RAP1A: variants seen among roughly 807,000 people sequenced by gnomAD.
The protein encoded by RAP1A is ras-related protein Rap-1A.
RAP1A carries 6 observed loss-of-function variants against 26.4 expected under a neutral mutation model. That is an observed-to-expected ratio of 0.23 (90% CI 0.12 to 0.45). The LOEUF (loss-of-function observed/expected upper bound fraction) is 0.45. Among genes scored for constraint, RAP1A ranks in the 20% least tolerant of loss-of-function variants. The pLI is 0.99. For missense variants in RAP1A, 121 were observed against 217.2 expected, an observed-to-expected ratio of 0.56 and a Z score of 2.78; for synonymous variants, 73 against 79.4, an observed-to-expected ratio of 0.92 and a Z score of 0.43.
chr1:111,571,843 A>G (rs1428082384), intron 1 of RAP1A, among the ~76,000 whole-genome samples: 2 of 152,242 alleles, frequency 1.3e-5, no homozygotes, highest in South Asian at 2.1e-4. Context: ...ATAAAATGGC[A>G]TGCATTTTTG....
intron 1 of RAP1A, among the ~76,000 whole-genome samples, chr1:111,596,580 G>C (rs1658568212): frequency 6.6e-6 from 1 of 152,188 alleles, no homozygotes; most frequent in African/African-American, 2.4e-5. Flanking sequence ...GTCCATTTGA[G>C]CTGCTATAAC....
intron 1 of RAP1A, among the ~76,000 whole-genome samples, chr1:111,563,619 T>C (rs2101050436): frequency 6.6e-6 from 1 of 152,314 alleles, no homozygotes; most frequent in Middle Eastern, 3.4e-3. Context: ...AGCTAATAAC[T>C]TGTATGTGTC....
intron 1 of RAP1A, among the ~76,000 whole-genome samples, chr1:111,672,440 T>C (rs1571548718): frequency 6.6e-6 from 1 of 152,148 alleles, no homozygotes; most frequent in East Asian, 1.9e-4. Context: ...CTCAGCTGGG[T>C]GAATCGAGTC....
intron 1 of RAP1A, among the ~76,000 whole-genome samples, chr1:111,687,239 G>A (rs11802450): frequency 0.043 from 6,150 of 141,780 alleles, 261 homozygotes; most frequent in African/African-American, 0.11. Flanking sequence ...ATGGAGTCTC[G>A]CTCTGTTGCC....
At chr1:111,663,292 T>C (rs1345875880) in intron 1 of RAP1A, among the ~76,000 whole-genome samples, 10 of 152,224 alleles carry the variant, frequency 6.6e-5, no homozygotes, top group Admixed American at 6.5e-4. Flanking sequence ...CCAGTGTATA[T>C]ATTCTTTTCA....
At chr1:111,690,278 T>C (rs1199456025) in intron 1 of RAP1A, among the ~76,000 whole-genome samples, 1 of 152,252 alleles carries the variant, frequency 6.6e-6, no homozygotes, top group African/African-American at 2.4e-5. Context: ...GGAAGACTTC[T>C]AGTCAGAACC....
intron 1 of RAP1A, among the ~76,000 whole-genome samples, chr1:111,547,009 A>G (rs1399322771): frequency 1.3e-5 from 2 of 152,054 alleles, no homozygotes; most frequent in African/African-American, 4.8e-5. Flanking sequence ...ATGCCCAAGG[A>G]TTGTGTTCTT....
At chr1:111,640,698 G>A (rs1263840191) in intron 1 of RAP1A, among the ~76,000 whole-genome samples, 1 of 152,092 alleles carries the variant, frequency 6.6e-6, no homozygotes, top group East Asian at 1.9e-4. Flanking sequence ...GGTGGCTCCC[G>A]CCTGTAATCC....
chr1:111,642,237 C>T (rs992856999), intron 1 of RAP1A, among the ~76,000 whole-genome samples: 1 of 152,002 alleles, frequency 6.6e-6, no homozygotes, highest in Admixed American at 6.6e-5. Flanking sequence ...AAGAGGGAAA[C>T]TCCATCTCAA....
At chr1:111,597,829 C>A (rs2101069967) in intron 1 of RAP1A, among the ~76,000 whole-genome samples, 1 of 152,276 alleles carries the variant, frequency 6.6e-6, no homozygotes, top group South Asian at 2.1e-4. Context: ...GACTTGGAGG[C>A]TCATTTGAAC....
rs1297467100 is a variant in RAP1A at position 111,712,454 on chromosome 1, C to T, written c.*53C>T. 1 of 152,316 alleles carries T rather than the reference C, an allele frequency of 6.6e-6. No homozygotes were observed. Among genetic ancestry groups the T allele is most frequent in the Non-Finnish European group, 1.5e-5 (1 of 67,874 alleles). 9.4% of individuals were successfully genotyped at this position (152,316 alleles called of 1,614,324 possible). On this transcript the variant is annotated 3_prime_UTR_variant, in exon 8 of 8. Transcript: ENST00000369709. ...AGATTACAGGAATGAAGAACTGTTG[C>T]CTAATTGGAAAGTGCCAGCATTCCA...
intron 1 of RAP1A, among the ~76,000 whole-genome samples, chr1:111,582,244 T>C (rs1220974938): frequency 6.6e-6 from 1 of 152,140 alleles, no homozygotes; most frequent in Non-Finnish European, 1.5e-5. Flanking sequence ...GCTATGTGAC[T>C]GAAATAAATG....
chr1:111,647,428 C>T (rs939910092), intron 1 of RAP1A, among the ~76,000 whole-genome samples: 3 of 152,156 alleles, frequency 2.0e-5, no homozygotes, highest in East Asian at 1.9e-4. Flanking sequence ...AAATGTAATG[C>T]GTTTGAATCA....
At chr1:111,552,549 A>G (rs1318503522) in intron 1 of RAP1A, among the ~76,000 whole-genome samples, 1 of 152,190 alleles carries the variant, frequency 6.6e-6, no homozygotes, top group East Asian at 1.9e-4. Flanking sequence ...AGAGACCATA[A>G]TTCACCATTT....
At chr1:111,619,017 T>C (rs925845731), upstream of RAP1A, among the ~76,000 whole-genome samples, 10 of 152,158 alleles carry the variant, frequency 6.6e-5, no homozygotes, top group African/African-American at 1.2e-4. Flanking sequence ...TCTCTCATGG[T>C]TTCCCGTTCC....
chr1:111,599,085 C>T (rs186710461), intron 1 of RAP1A, among the ~76,000 whole-genome samples: 1 of 152,340 alleles, frequency 6.6e-6, no homozygotes, highest in Non-Finnish European at 1.5e-5. Context: ...ACATGCCACT[C>T]TCTAGGAGCC....
intron 1 of RAP1A, among the ~76,000 whole-genome samples, chr1:111,573,341 T>G (rs1658085054): frequency 6.6e-6 from 1 of 152,176 alleles, no homozygotes; most frequent in Non-Finnish European, 1.5e-5. Flanking sequence ...TAAACTAATT[T>G]GCACTCCCAC....
At chr1:111,654,574 TATA>T (rs1660390234) in intron 1 of RAP1A, among the ~76,000 whole-genome samples, 1 of 152,156 alleles carries the variant, frequency 6.6e-6, no homozygotes, top group South Asian at 2.1e-4. Flanking sequence ...AAGTGGTGAT[TATA>T]ATAATATTAT....
chr1:111,596,231 T>TA (rs916793145), intron 1 of RAP1A, among the ~76,000 whole-genome samples: 41 of 149,256 alleles, frequency 2.7e-4, no homozygotes, highest in Admixed American at 7.3e-4. Context: ...AGGATCCCTT[T>TA]AAAAAAAAAA....
Sources: allele counts gnomAD v4.1 joint callset (sites outside exome capture counted in the v4.1 genomes callset), GRCh38; gene constraint gnomAD v4.1.1; transcripts MANE v1.5; gene names NCBI Gene and HGNC (gene_info 2026-07-23, HGNC 2026-07-21).